Variants in CDH18 observed in about 807,000 individuals in gnomAD.
CDH18 encodes the protein cadherin 18.
CDH18 carries 31 observed loss-of-function variants against 67.9 expected under a neutral mutation model. The ratio of observed to expected loss-of-function variants is 0.46; its 90% CI spans 0.34 to 0.62. The LOEUF (loss-of-function observed/expected upper bound fraction) is 0.62. Ranked by LOEUF, CDH18 falls within the 20% of genes least tolerant of loss-of-function variation. The pLI is 0.01. For missense variants in CDH18, 890 were observed against 975.5 expected, an observed-to-expected ratio of 0.91 and a Z score of 1.17; for synonymous variants, 362 against 347.2, an observed-to-expected ratio of 1.04 and a Z score of -0.48.
intron 2 of CDH18, among the ~76,000 whole-genome samples, chr5:20,200,024 G>A (rs753764313): frequency 1.3e-5 from 2 of 152,092 alleles, no homozygotes; most frequent in Non-Finnish European, 2.9e-5. Context: ...TCAGTCTTGG[G>A]TATTTCTTCA....
At chr5:19,593,162 G>T (rs1049565630) in intron 6 of CDH18, among the ~76,000 whole-genome samples, 2 of 151,866 alleles carry the variant, frequency 1.3e-5, no homozygotes. Flanking sequence ...TCCTGATTTC[G>T]ATTTTTTAAA....
chr5:19,967,339 G>A (rs1375926753), intron 2 of CDH18, among the ~76,000 whole-genome samples: 1 of 151,996 alleles, frequency 6.6e-6, no homozygotes, highest in Admixed American at 6.6e-5. Context: ...GTTATAATTA[G>A]AAAAATATAG....
chr5:19,653,046 A>C (rs1755801306), intron 5 of CDH18, among the ~76,000 whole-genome samples: 1 of 151,876 alleles, frequency 6.6e-6, no homozygotes, highest in African/African-American at 2.4e-5. Context: ...TTGTGGGAAA[A>C]CACATTTTTT....
chr5:19,723,666 C>A (rs1766415338), intron 4 of CDH18, among the ~76,000 whole-genome samples: 2 of 152,132 alleles, frequency 1.3e-5, no homozygotes, highest in Admixed American at 1.3e-4. Flanking sequence ...ACTAAACACA[C>A]ATCTACCCAA....
chr5:20,455,915 T>A (rs1186561929), intron 1 of CDH18, among the ~76,000 whole-genome samples: 2 of 152,116 alleles, frequency 1.3e-5, no homozygotes, highest in Admixed American at 6.5e-5. Flanking sequence ...CTATGTTATT[T>A]ACCCTTTAAA....
intron 1 of CDH18, among the ~76,000 whole-genome samples, chr5:20,555,309 A>G (rs1248524043): frequency 6.7e-6 from 1 of 149,210 alleles, no homozygotes; most frequent in Non-Finnish European, 1.5e-5. Context: ...CTGCAGAACT[A>G]TGAGAAACAA....
At chr5:20,185,724 T>C (rs1325642672) in intron 2 of CDH18, among the ~76,000 whole-genome samples, 1 of 152,056 alleles carries the variant, frequency 6.6e-6, no homozygotes, top group Non-Finnish European at 1.5e-5. Flanking sequence ...AATAGAACAA[T>C]GGCCACCATA....
intron 2 of CDH18, among the ~76,000 whole-genome samples, chr5:20,075,944 A>G (rs1044347008): frequency 6.6e-6 from 1 of 152,176 alleles, no homozygotes; most frequent in Non-Finnish European, 1.5e-5. Flanking sequence ...AAAACAATCT[A>G]GGGAATTCAG....
At chr5:19,511,798 TAA>T (rs1262444251) in intron 10 of CDH18, among the ~76,000 whole-genome samples, 1 of 152,150 alleles carries the variant, frequency 6.6e-6, no homozygotes, top group Admixed American at 6.6e-5. Context: ...AAGCAGAGCA[TAA>T]AAGTTTGGAA....
At chr5:19,496,241 A>G (rs1335777157) in intron 11 of CDH18, among the ~76,000 whole-genome samples, 2 of 152,232 alleles carry the variant, frequency 1.3e-5, no homozygotes, top group African/African-American at 4.8e-5. Context: ...AAACTAAACA[A>G]AACTGCAAAT....
chr5:20,118,213 A>C (rs552634725), intron 2 of CDH18, among the ~76,000 whole-genome samples: 45 of 152,284 alleles, frequency 3.0e-4, no homozygotes, highest in African/African-American at 9.4e-4. Context: ...ACTTTTTTTA[A>C]AGAAAAAAAG....
intron 1 of CDH18, among the ~76,000 whole-genome samples, chr5:20,341,828 A>T (rs1740290487): frequency 6.6e-6 from 1 of 152,080 alleles, no homozygotes; most frequent in South Asian, 2.1e-4. Flanking sequence ...GCAAAAAAAA[A>T]ATGCATATGA....
intron 2 of CDH18, chr5:20,158,956 A>AACCTTTCCCTCATCTAAGGCCC (rs1443780428): frequency 1.2e-5 from 2 of 168,176 alleles, no homozygotes; most frequent in African/African-American, 4.8e-5. Flanking sequence ...TTTTGAGGTC[A>AACCTTTCCCTCATCTAAGGCCC]ACCTTTCCCT....
chr5:19,789,329 T>C (rs1203274285), intron 3 of CDH18, among the ~76,000 whole-genome samples: 3 of 152,188 alleles, frequency 2.0e-5, no homozygotes, highest in Non-Finnish European at 4.4e-5. Context: ...ATGAGATAGA[T>C]ATGAATTAAT....
intron 1 of CDH18, among the ~76,000 whole-genome samples, chr5:20,467,002 T>C (rs1434460067): frequency 1.3e-5 from 2 of 152,106 alleles, no homozygotes; most frequent in Non-Finnish European, 2.9e-5. Context: ...ATGGATAATG[T>C]CAGAATTGAA....
chr5:19,782,577 C>G (rs1035477834), intron 3 of CDH18, among the ~76,000 whole-genome samples: 2 of 152,096 alleles, frequency 1.3e-5, no homozygotes, highest in South Asian at 2.1e-4. Flanking sequence ...AAAAATTAGT[C>G]TACAATGGAG....
At chr5:19,760,948 G>C (rs962873468) in intron 3 of CDH18, among the ~76,000 whole-genome samples, 6 of 152,080 alleles carry the variant, frequency 3.9e-5, no homozygotes, top group African/African-American at 1.4e-4. Flanking sequence ...GCCACTACTG[G>C]GGATGGGGAA....
intron 2 of CDH18, among the ~76,000 whole-genome samples, chr5:20,245,898 A>G (rs1052659351): frequency 3.3e-5 from 5 of 152,106 alleles, no homozygotes; most frequent in Admixed American, 6.5e-5. Flanking sequence ...TAATGTTAAC[A>G]TGATTTTTGC....
intron 6 of CDH18, among the ~76,000 whole-genome samples, chr5:19,592,379 T>C (rs1293227720): frequency 6.6e-6 from 1 of 152,036 alleles, no homozygotes; most frequent in Non-Finnish European, 1.5e-5. Context: ...AATAATTATT[T>C]TATTGACAAG....
Sources: allele counts gnomAD v4.1 joint callset (sites outside exome capture counted in the v4.1 genomes callset), GRCh38; gene constraint gnomAD v4.1.1; transcripts MANE v1.5; gene names NCBI Gene and HGNC (gene_info 2026-07-23, HGNC 2026-07-21).